Variants in ACADM observed in about 807,000 individuals in gnomAD.
ACADM encodes medium-chain specific acyl-CoA dehydrogenase, mitochondrial.
ACADM carries 49 observed loss-of-function variants against 58.9 expected under a neutral mutation model. The observed-to-expected ratio is 0.83, with a 90% CI of 0.66 to 1.06. The LOEUF is 1.06. Ranked by LOEUF, ACADM falls within the 50% of genes least tolerant of loss-of-function variation. ACADM has a pLI of 0.00. For missense variants in ACADM, 496 were observed against 507.0 expected, an observed-to-expected ratio of 0.98 and a Z score of 0.21; for synonymous variants, 160 against 157.7, an observed-to-expected ratio of 1.01 and a Z score of -0.11.
At chr1:75,761,101 T>C in intron 10 of ACADM, 21 bp from the exon 11 acceptor site, 1 of 1,607,876 alleles carries the variant, frequency 6.2e-7, no homozygotes, top group Non-Finnish European at 8.5e-7. Context: ...TATCCTTTAA[T>C]TTTTTTCTTT....
intron 7 of ACADM, among the ~76,000 whole-genome samples, chr1:75,741,366 C>T (rs1232530604): frequency 6.6e-6 from 1 of 152,090 alleles, no homozygotes; most frequent in African/African-American, 2.4e-5. Flanking sequence ...TTACCTTTAA[C>T]CAATTCCTGG....
At chr1:75,749,619 T>C (rs1433996654) in intron 9 of ACADM, 60 bp downstream of exon 9, 3 of 1,448,220 alleles carry the variant, frequency 2.1e-6, no homozygotes, top group East Asian at 2.4e-5. Context: ...TAAATAAGTA[T>C]TTTTACTTTA....
chr1:75,732,496 T>A, intron 2 of ACADM, 148 bp from the exon 3 acceptor site: 1 of 714,394 alleles, frequency 1.4e-6, no homozygotes, highest in South Asian at 1.6e-5. Flanking sequence ...TAGTGAACTC[T>A]TGATTAGTCA....
Position 75,734,047 on chromosome 1 carries a change from G to A in ACADM, c.387+419G>A, listed in dbSNP as rs559501391. On this transcript the variant is annotated intron_variant, in intron 5 of 11. Coordinates refer to ENST00000370841, the MANE Select transcript of ACADM (RefSeq NM_000016.6). ...GTCGCCCAGGCTGGAGTGTAGTAGC[G>A]CGATCTTGGCTCACTGCAACCTGCA... is the stretch of plus-strand genomic sequence containing the variant. Among the ~76,000 whole-genome samples the A allele has an allele frequency of 5.9e-5, 9 of 152,162 alleles. No individual in the cohort carries two copies. The South Asian group carries it at 1.7e-3, about 28-fold the overall frequency.
Position 75,749,488 on chromosome 1 carries a change from G to C in ACADM, c.778G>C (p.Glu260Gln). ...IVFEDVKVPK[E>Q]NVLIGDGAGF... ...CTTCGAAGATGTGAAAGTGCCTAAA[G>C]AAAATGTTTTAATTGGTGACGGAGC... Residue 260 changes from glutamate to glutamine, a missense_variant, in exon 9 of 12, where the codon GAA becomes CAA. Transcript: ENST00000370841. The C allele has an allele frequency of 6.2e-7, 1 of 1,614,080 alleles. No individual in the cohort carries two copies. The highest frequency in any genetic ancestry group is 8.5e-7 in the Non-Finnish European group (1 of 1,179,988).
intron 5 of ACADM, among the ~76,000 whole-genome samples, chr1:75,733,840 T>C (rs1647192526): frequency 6.6e-6 from 1 of 152,180 alleles, no homozygotes; most frequent in Non-Finnish European, 1.5e-5. Context: ...TCTGGCCTTG[T>C]CTCTAGTACT....
At chr1:75,759,656 C>CTTTTTTTTTTTTTTTTTTT (rs34394777) in intron 10 of ACADM, among the ~76,000 whole-genome samples, 1 of 87,582 alleles carries the variant, frequency 1.1e-5, no homozygotes, top group African/African-American at 4.2e-5. Context: ...TAGCAACTTT[C>CTTTTTTTTTTTTTTTTTTT]TTTTTTTTTT....
rs1491168235 is a variant in ACADM, at chr1:75,737,327, T to TATATATATATATATATGA, written c.468+2456_468+2457insATATATATATATATATGA. On this transcript the variant is annotated intron_variant, in intron 6 of 11. Coordinates refer to ENST00000370841, the MANE Select transcript of ACADM (RefSeq NM_000016.6). ...ATATATATATATATATATATATATA[T>TATATATATATATATATGA]GAAACCAAAAAGAAGAAAAGAAGAC... Among the ~76,000 whole-genome samples, 10 of 76,676 alleles carry TATATATATATATATATGA rather than the reference T, an allele frequency of 1.3e-4. 1 individual carries two copies. Among genetic ancestry groups the TATATATATATATATATGA allele is most frequent in the African/African-American group, 4.8e-4 (9 of 18,872 alleles). 50.3% of individuals were successfully genotyped at this position (76,676 alleles called of 152,430 possible).
chr1:75,745,926 AT>A lies in ACADM; in HGVS notation c.708+14del. On this transcript the variant is annotated intron_variant, in intron 8 of 11. Transcript: ENST00000370841. ...AGATTGGGAGAAAGGTAAAGTATTTATTAATGATTAGGGCCCCAAATATTAT... is the reference window on the plus strand; with the variant it reads ...AGATTGGGAGAAAGGTAAAGTATTTATAATGATTAGGGCCCCAAATATTAT... The A allele has an allele frequency of 6.4e-7, 1 of 1,562,678 alleles. No homozygotes were observed. Among genetic ancestry groups the A allele is most frequent in the Non-Finnish European group, 8.8e-7 (1 of 1,133,520 alleles).
At chr1:75,761,456 T>C (rs1161872378) in intron 11 of ACADM, 86 bp downstream of exon 11, 1 of 1,467,208 alleles carries the variant, frequency 6.8e-7, no homozygotes, top group Admixed American at 1.7e-5. Context: ...TTAGAAATTT[T>C]ATGTCCCTAG....
intron 10 of ACADM, 96 bp downstream of exon 10, chr1:75,750,642 T>C (rs1648148891): frequency 1.2e-6 from 1 of 850,244 alleles, no homozygotes; most frequent in African/African-American, 1.7e-5. Context: ...AATCAATTTC[T>C]ACTTTGATAG....
At chr1:75,755,286 A>G (rs189703847) in intron 10 of ACADM, among the ~76,000 whole-genome samples, 1 of 152,308 alleles carries the variant, frequency 6.6e-6, no homozygotes, top group Non-Finnish European at 1.5e-5. Context: ...GGAGTTTGAG[A>G]TCTGAGAACA....
chr1:75,736,396 A>T (rs989866118), intron 6 of ACADM, among the ~76,000 whole-genome samples: 1 of 152,180 alleles, frequency 6.6e-6, no homozygotes, highest in Non-Finnish European at 1.5e-5. Context: ...GATACCTAAA[A>T]TTTCAAGCAA....
chr1:75,753,628 T>G (rs1648325541), intron 10 of ACADM, among the ~76,000 whole-genome samples: 1 of 151,896 alleles, frequency 6.6e-6, no homozygotes, highest in African/African-American at 2.4e-5. Flanking sequence ...ATATAGAATC[T>G]TCTCCTTTTA....
intron 10 of ACADM, chr1:75,750,835 G>A (rs1648161611): frequency 9.2e-6 from 4 of 433,340 alleles, no homozygotes; most frequent in South Asian, 2.2e-5. Context: ...CACAGTCTCC[G>A]CCTCCCGAGT....
intron 1 of ACADM, among the ~76,000 whole-genome samples, chr1:75,727,735 G>A (rs1647078298): frequency 6.6e-6 from 1 of 152,106 alleles, no homozygotes; most frequent in African/African-American, 2.4e-5. Context: ...TTTTGGCTTT[G>A]TGAACCAGAT....
intron 6 of ACADM, among the ~76,000 whole-genome samples, chr1:75,739,423 T>C (rs6704444): frequency 0.27 from 40,658 of 152,160 alleles, 5,667 homozygotes; most frequent in Middle Eastern, 0.36. Flanking sequence ...TTGAATTTAA[T>C]GAACTTGTTT....
Position 75,739,935 on chromosome 1 carries a change from A to T in ACADM, c.469-45A>T, listed in dbSNP as rs138346105. 1.7e-5 allele frequency: 24 copies of T among 1,450,374 alleles called. No individual in the cohort carries two copies. The Admixed American group carries it at 5.0e-4, about 30-fold the overall frequency. 89.8% of individuals were successfully genotyped at this position (1,450,374 alleles called of 1,614,324 possible). On this transcript the variant is annotated intron_variant, in intron 6 of 11. Transcript: ENST00000370841. The stretch of plus-strand genomic sequence containing the variant: ...CCTGTTTCCAAACAGTCAAAATTTA[A>T]TCACTAACATTTAATTTCATTTCTC...
chr1:75,750,876 G>GTAGT, intron 10 of ACADM: 1 of 382,432 alleles, frequency 2.6e-6, no homozygotes, highest in South Asian at 2.3e-5. Flanking sequence ...AGCCTCCCAA[G>GTAGT]TAGTGGGAAC....
Sources: gnomAD v4.1 joint callset for allele counts (sites outside exome capture counted in the v4.1 genomes callset) on GRCh38, gnomAD v4.1.1 for gene constraint, MANE v1.5 for transcripts, NCBI Gene and HGNC (gene_info 2026-07-23, HGNC 2026-07-21) for gene names.